SERINC5: variants seen among roughly 807,000 people sequenced by gnomAD.
SERINC5 encodes the protein serine incorporator 5, also known as chromosome 5 open reading frame 12.
In SERINC5, 41 loss-of-function variants were observed where a neutral mutation model predicts 63.1. The ratio of observed to expected loss-of-function variants is 0.65; its 90% confidence interval spans 0.51 to 0.84. The LOEUF is 0.84. SERINC5 is among the 40% of genes least tolerant of loss of function. The probability of loss-of-function intolerance (pLI) is 0.00; values close to 1 mark genes in which losing one functional copy is unlikely to be tolerated. For synonymous variants in SERINC5, 222 were observed against 215.2 expected (o/e 1.03, Z -0.28); for missense variants, 523 against 573.0 (o/e 0.91, Z 0.89).
chr5:80,164,338 T>TG (rs59985143), intron 7 of SERINC5, among the ~76,000 whole-genome samples: 1,921 of 144,870 alleles, frequency 0.013, 48 homozygotes, highest in African/African-American at 0.046. Flanking sequence ...TGGGTTTTTT[T>TG]GGGGGGGAGG....
chr5:80,243,294 C>T (rs1752028515), intron 1 of SERINC5, among the ~76,000 whole-genome samples: 1 of 152,144 alleles, frequency 6.6e-6, no homozygotes, highest in African/African-American at 2.4e-5. Context: ...CACACTGCAT[C>T]ACCACTTTAC....
At chr5:80,126,104 T>C (rs1744738207) in intron 11 of SERINC5, among the ~76,000 whole-genome samples, 1 of 151,962 alleles carries the variant, frequency 6.6e-6, no homozygotes, top group Non-Finnish European at 1.5e-5. Context: ...ATGATGAAAA[T>C]TCAGTTGAAT....
chr5:80,222,907 T>A (rs1277733628), intron 1 of SERINC5, among the ~76,000 whole-genome samples: 2 of 152,180 alleles, frequency 1.3e-5, no homozygotes, highest in East Asian at 3.8e-4. Context: ...TTGCCCAGGC[T>A]GGAGTACAGT....
chr5:80,149,910 AT>A (rs906728917), intron 9 of SERINC5, among the ~76,000 whole-genome samples: 1 of 152,178 alleles, frequency 6.6e-6, no homozygotes, highest in Non-Finnish European at 1.5e-5. Context: ...TTGTTGGTAG[AT>A]GAGAGCCCCA....
At chr5:80,163,572 C>A (rs749281971) in intron 7 of SERINC5, among the ~76,000 whole-genome samples, 2 of 150,856 alleles carry the variant, frequency 1.3e-5, no homozygotes, top group Non-Finnish European at 2.9e-5. Flanking sequence ...TGAAAAGATG[C>A]TGAATTTTAA....
chr5:80,183,046 A>G (rs1003818059), intron 2 of SERINC5, among the ~76,000 whole-genome samples: 4 of 152,140 alleles, frequency 2.6e-5, no homozygotes, highest in African/African-American at 9.7e-5. Context: ...GAAAAGCACT[A>G]CTGAAGCTAG....
intron 1 of SERINC5, among the ~76,000 whole-genome samples, chr5:80,242,380 G>A (rs978388786): frequency 6.6e-6 from 1 of 152,174 alleles, no homozygotes; most frequent in Admixed American, 6.5e-5. Context: ...CACTTTGGGA[G>A]GCCAAGGTGG....
chr5:80,127,840 T>C (rs960905958), intron 11 of SERINC5, among the ~76,000 whole-genome samples: 1 of 152,132 alleles, frequency 6.6e-6, no homozygotes, highest in Non-Finnish European at 1.5e-5. Context: ...TACAATCTAA[T>C]TTTAATTGAT....
intron 2 of SERINC5, among the ~76,000 whole-genome samples, chr5:80,191,590 G>A (rs1749190780): frequency 6.8e-6 from 1 of 147,766 alleles, no homozygotes; most frequent in Non-Finnish European, 1.5e-5. Context: ...TTGAGCCCCA[G>A]AGGTTAAGCC....
At chr5:80,218,693 TG>T (rs1214983835) in intron 1 of SERINC5, among the ~76,000 whole-genome samples, 1 of 147,588 alleles carries the variant, frequency 6.8e-6, no homozygotes, top group Non-Finnish European at 1.5e-5. Flanking sequence ...AAAAAAAGTC[TG>T]GTGCTCTTGA....
downstream of SERINC5, among the ~76,000 whole-genome samples, chr5:80,137,139 C>CAAAAAAAAAAAAAA (rs869035894): frequency 6.1e-4 from 41 of 67,700 alleles, no homozygotes; most frequent in East Asian, 1.0e-3. Context: ...GACCCTGTCT[C>CAAAAAAAAAAAAAA]AAAAAAAAAA....
intron 6 of SERINC5, among the ~76,000 whole-genome samples, chr5:80,168,272 G>A (rs1323972906): frequency 1.3e-5 from 2 of 151,632 alleles, no homozygotes; most frequent in Non-Finnish European, 1.5e-5. Context: ...TTGGCTCACT[G>A]CAAGCCCCGC....
At chr5:80,118,365 A>G (rs1309435401) in intron 11 of SERINC5, among the ~76,000 whole-genome samples, 1 of 152,170 alleles carries the variant, frequency 6.6e-6, no homozygotes, top group Non-Finnish European at 1.5e-5. Flanking sequence ...GGCAACTATA[A>G]CAAAATACCA....
At chr5:80,228,008 G>C (rs1416313919) in intron 1 of SERINC5, among the ~76,000 whole-genome samples, 1 of 149,822 alleles carries the variant, frequency 6.7e-6, no homozygotes, top group African/African-American at 2.5e-5. Flanking sequence ...GATCACTTGA[G>C]CCCAAGAATT....
chr5:80,130,404 A>G (rs754152929), intron 11 of SERINC5, among the ~76,000 whole-genome samples: 40 of 152,070 alleles, frequency 2.6e-4, no homozygotes, highest in Non-Finnish European at 4.1e-4. Flanking sequence ...AGGCATTTTA[A>G]TTACTAAATA....
At chr5:80,152,243 G>C (rs943786267) in intron 8 of SERINC5, among the ~76,000 whole-genome samples, 3 of 152,176 alleles carry the variant, frequency 2.0e-5, no homozygotes, top group Non-Finnish European at 4.4e-5. Context: ...GCTCACACCT[G>C]TAATCTCAGC....
At chr5:80,159,361 G>A (rs1271861066) in intron 7 of SERINC5, among the ~76,000 whole-genome samples, 1 of 152,072 alleles carries the variant, frequency 6.6e-6, no homozygotes, top group African/African-American at 2.4e-5. Context: ...TAAACTAGTT[G>A]AGAAGTCATT....
At chr5:80,197,177 T>C (rs1359799471) in intron 2 of SERINC5, among the ~76,000 whole-genome samples, 2 of 151,952 alleles carry the variant, frequency 1.3e-5, no homozygotes, top group South Asian at 2.1e-4. Context: ...GGTGAAACCC[T>C]GTCTCTACTA....
At chr5:80,226,987 C>T (rs948953646) in intron 1 of SERINC5, among the ~76,000 whole-genome samples, 1 of 152,132 alleles carries the variant, frequency 6.6e-6, no homozygotes, top group Admixed American at 6.5e-5. Context: ...CCTCCACCTC[C>T]CGGGTTCAAA....
Sources: allele counts gnomAD v4.1 joint callset (sites outside exome capture counted in the v4.1 genomes callset), GRCh38; gene constraint gnomAD v4.1.1; transcripts MANE v1.5; gene names NCBI Gene and HGNC (gene_info 2026-07-23, HGNC 2026-07-21).